MYH14: variants seen among roughly 807,000 people sequenced by gnomAD.
MYH14 encodes the protein myosin-14.
In MYH14, 123 loss-of-function variants were observed where a neutral mutation model predicts 255.5. That is an observed-to-expected ratio of 0.48 (90% CI 0.42 to 0.56). The LOEUF (loss-of-function observed/expected upper bound fraction) is 0.56. Among genes scored for constraint, MYH14 ranks in the 20% least tolerant of loss-of-function variants. The probability of loss-of-function intolerance (pLI) is 0.00; values close to 1 mark genes in which losing one functional copy is unlikely to be tolerated. For synonymous variants in MYH14, 1,095 were observed against 1,161.2 expected, an observed-to-expected ratio of 0.94 and a Z score of 1.16; for missense variants, 2,423 against 2,802.3, an observed-to-expected ratio of 0.86 and a Z score of 3.06.
intron 10 of MYH14, among the ~76,000 whole-genome samples, chr19:50,234,863 G>C (rs189220015): frequency 4.4e-4 from 67 of 152,308 alleles, no homozygotes; most frequent in Admixed American, 1.2e-3. Context: ...TGTGGCTAAA[G>C]GTTGTACTGA....
At chr19:50,265,558 T>C (rs909848485) in intron 22 of MYH14, among the ~76,000 whole-genome samples, 1 of 151,932 alleles carries the variant, frequency 6.6e-6, no homozygotes, top group Non-Finnish European at 1.5e-5. Flanking sequence ...CGGAGGCGTA[T>C]GCCTGTAATC....
At chr19:50,239,642 C>G (rs1321038315) in intron 10 of MYH14, among the ~76,000 whole-genome samples, 2 of 152,082 alleles carry the variant, frequency 1.3e-5, no homozygotes, top group Non-Finnish European at 2.9e-5. Flanking sequence ...CTCCGCCTCC[C>G]CGGTTCATGC....
At chr19:50,307,188 G>A (rs1321082095) in intron 41 of MYH14, 31 bp downstream of exon 41, 80 of 1,382,860 alleles carry the variant, frequency 5.8e-5, no homozygotes, top group Non-Finnish European at 7.6e-5. Context: ...GGGAGCAGTG[G>A]AGAGTGTGAC....
chr19:50,228,485 G>A (rs2123223517), intron 8 of MYH14, among the ~76,000 whole-genome samples: 1 of 152,198 alleles, frequency 6.6e-6, no homozygotes, highest in Non-Finnish European at 1.5e-5. Flanking sequence ...GCATGAAGCA[G>A]CCAGCCGGCC....
chr19:50,278,046 G>C lies in MYH14; in HGVS notation c.3826-37G>C, dbSNP rs571383775. 1.9e-4 allele frequency: 277 copies of C among 1,479,460 alleles called. 3 individuals carry two copies. The highest frequency in any genetic ancestry group is 1.2e-3 in the South Asian group (86 of 69,450). 91.6% of individuals were successfully genotyped at this position (1,479,460 alleles called of 1,614,324 possible). A position where few individuals can be genotyped will look rare whatever the true frequency, so the allele number is the denominator to read the frequency against. Reference sequence around the variant, plus strand: ...GTGTGCCTGGCCTGGTCCAGGAAAGGCCTCATAGATCTTTGCTCATCTCCT... The same window carrying C: ...GTGTGCCTGGCCTGGTCCAGGAAAGCCCTCATAGATCTTTGCTCATCTCCT... On this transcript the variant is annotated intron_variant, in intron 29 of 42. Coordinates refer to ENST00000642316, the MANE Select transcript of MYH14 (RefSeq NM_001145809.2).
rs1600854768 is a variant in MYH14, at chr19:50,210,259, G to A, written c.-3-104G>A. On this transcript the variant is annotated intron_variant, in intron 1 of 42. Transcript: ENST00000642316. ...TTGCAGAAGTATGGCAAGAGGTCTG[G>A]TAAAGGAAGGCAGAGGTGGCTGCCT... 15 of 1,116,698 alleles carry A rather than the reference G, an allele frequency of 1.3e-5. No individual in the cohort carries two copies. In the East Asian group the frequency reaches 4.5e-4, roughly 34 times the overall value. The allele number at this position is 1,116,698 out of a possible 1,614,324, so 69.2% of individuals were successfully genotyped here.
At chr19:50,309,325 G>A (rs2036765434) in intron 42 of MYH14, 148 bp downstream of exon 42, 1 of 789,816 alleles carries the variant, frequency 1.3e-6, no homozygotes. Flanking sequence ...TGTGTTGCGG[G>A]AGAGCCAAAT....
intron 1 of MYH14, among the ~76,000 whole-genome samples, chr19:50,205,179 G>T (rs1225977441): frequency 1.3e-5 from 2 of 152,130 alleles, no homozygotes; most frequent in Non-Finnish European, 2.9e-5. Flanking sequence ...TTCACTGGCC[G>T]CAATGCACAG....
intron 24 of MYH14, among the ~76,000 whole-genome samples, chr19:50,268,633 G>C (rs1478152103): frequency 1.3e-5 from 2 of 152,236 alleles, no homozygotes. Context: ...GATTTCCTCA[G>C]CTTCAGGCAT....
intron 21 of MYH14, among the ~76,000 whole-genome samples, chr19:50,262,125 C>A (rs758786919): frequency 2.0e-5 from 3 of 152,040 alleles, no homozygotes; most frequent in African/African-American, 7.2e-5. Flanking sequence ...CAGGCCACAC[C>A]GGACAAGCAG....
At chr19:50,235,413 A>G (rs1347514388) in intron 10 of MYH14, among the ~76,000 whole-genome samples, 1 of 148,274 alleles carries the variant, frequency 6.7e-6, no homozygotes, top group Non-Finnish European at 1.5e-5. Context: ...CCAGCTCCCT[A>G]CCCTTCCACT....
chr19:50,288,089 A>G (rs922805261), intron 34 of MYH14, among the ~76,000 whole-genome samples: 12 of 152,282 alleles, frequency 7.9e-5, no homozygotes, highest in East Asian at 7.7e-4. Flanking sequence ...CGAATGGTCA[A>G]AATGACCCGC....
At chr19:50,232,158 AAG>A (rs1282309513) in intron 10 of MYH14, 88 bp downstream of exon 10, 146 of 1,541,318 alleles carry the variant, frequency 9.5e-5, no homozygotes, top group Non-Finnish European at 1.3e-4. Context: ...CTCTTTGAGC[AAG>A]TGTTTATTGA....
At chr19:50,203,929 G>A (rs2031590726) in intron 1 of MYH14, among the ~76,000 whole-genome samples, 1 of 152,188 alleles carries the variant, frequency 6.6e-6, no homozygotes, top group African/African-American at 2.4e-5. Context: ...GTCAGCCCCG[G>A]GCCTGTTCCG....
intron 39 of MYH14, among the ~76,000 whole-genome samples, chr19:50,296,177 A>G (rs142503465): frequency 4.7e-4 from 71 of 152,274 alleles, no homozygotes; most frequent in East Asian, 5.8e-4. Context: ...ACTTCATCAT[A>G]TTCACGTGAA....
intron 2 of MYH14, among the ~76,000 whole-genome samples, chr19:50,216,664 A>G (rs758240502): frequency 1.3e-5 from 2 of 151,818 alleles, no homozygotes; most frequent in African/African-American, 2.4e-5. Context: ...TTATGTGTCT[A>G]TTATCAGTAG....
In MYH14 at chr19:50,230,477, C is replaced by T; in HGVS notation, c.875-48C>T. On this transcript the variant is annotated intron_variant, in intron 8 of 42. Coordinates refer to ENST00000642316, the MANE Select transcript of MYH14 (RefSeq NM_001145809.2). The surrounding 1 kb of genome is among the most constrained non-coding windows in gnomAD (Gnocchi z 4.7). ...GCAGGCTCCTGTAGTGGCCTGGCAG[C>T]GTCGGGGCCGTCCCTTCCCCTCTAG... 4 of 1,503,210 alleles carry T rather than the reference C, an allele frequency of 2.7e-6. No individual in the cohort carries two copies. Among genetic ancestry groups the T allele is most frequent in the African/African-American group, 1.4e-5 (1 of 72,208 alleles). The allele number at this position is 1,503,210 out of a possible 1,614,324, so 93.1% of individuals were successfully genotyped here. A position where few individuals can be genotyped will look rare whatever the true frequency, so the allele number is the denominator to read the frequency against.
Position 50,281,683 on chromosome 19 carries a change from G to A in MYH14, c.4380G>A (p.Glu1460=), listed in dbSNP as rs2035726921. The change falls in exon 33 of 43, where the codon GAG becomes GAA. Residue 1460 remains glutamate (E), a synonymous_variant. Coordinates refer to ENST00000642316, the MANE Select transcript of MYH14 (RefSeq NM_001145809.2). ...EARRRAAREA[E]ALTQRLAEKT... ...GGCGCCGGGCAGCCCGGGAGGCCGA[G>A]GCCCTGACCCAGCGCCTGGCAGAAA... 1 of 1,611,396 alleles carries A rather than the reference G, an allele frequency of 6.2e-7. No homozygotes were observed. Among genetic ancestry groups the A allele is most frequent in the East Asian group, 2.2e-5 (1 of 44,874 alleles).
At chr19:50,214,710 G>T (rs1166793675) in intron 2 of MYH14, among the ~76,000 whole-genome samples, 3 of 152,114 alleles carry the variant, frequency 2.0e-5, no homozygotes, top group Non-Finnish European at 4.4e-5. Flanking sequence ...GAGCCTGAGA[G>T]TTTGAGGCTG....
Sources: allele counts gnomAD v4.1 joint callset (sites outside exome capture counted in the v4.1 genomes callset), GRCh38; gene constraint gnomAD v4.1.1; non-coding constraint Gnocchi (gnomAD v3.1); transcripts MANE v1.5; gene names NCBI Gene and HGNC (gene_info 2026-07-23, HGNC 2026-07-21).